GCLC: variants seen among roughly 807,000 people sequenced by gnomAD.
GCLC encodes the protein glutamate-cysteine ligase catalytic subunit, also known as glutamate--cysteine ligase catalytic subunit.
In GCLC, 30 loss-of-function variants were observed where a neutral mutation model predicts 81.5. The observed-to-expected ratio is 0.37, with a 90% CI of 0.28 to 0.50. GCLC has a LOEUF of 0.50. Among genes scored for constraint, GCLC ranks in the 20% least tolerant of loss-of-function variants. GCLC has a pLI of 0.96. For synonymous variants in GCLC, 262 were observed against 273.3 expected, an observed-to-expected ratio of 0.96 and a Z score of 0.41; for missense variants, 556 against 777.4, an observed-to-expected ratio of 0.72 and a Z score of 3.39.
Position 53,544,918 on chromosome 6 carries a change from C to A in GCLC, c.-273G>T. On this transcript the variant is annotated 5_prime_UTR_variant, in exon 1 of 16. The change creates a new upstream start codon in the 5' untranslated region. Coordinates refer to ENST00000650454, the MANE Select transcript of GCLC (RefSeq NM_001498.4). ...GCGGGACGGCTCTCGGCCCGGCGGC[C>A]TCGCCCTCCCCGCTGCTCCTCCTCC... 1 of 275,600 alleles carries A rather than the reference C, an allele frequency of 3.6e-6. No homozygotes were observed. Among genetic ancestry groups the A allele is most frequent in the Non-Finnish European group, 6.7e-6 (1 of 148,150 alleles). The allele number at this position is 275,600 out of a possible 1,614,324, so 17.1% of individuals were successfully genotyped here.
rs17883298 is a variant in GCLC, at chr6:53,516,482, C to A, written c.447-260G>T. The stretch of plus-strand genomic sequence containing the variant: ...AGTCTCCACTCACTCACAAACCACA[C>A]AGCACTTACTCGGGTCCTCTCCATC... On this transcript the variant is annotated intron_variant, in intron 3 of 15. Coordinates refer to ENST00000650454, the MANE Select transcript of GCLC (RefSeq NM_001498.4). Among the ~76,000 whole-genome samples the A allele has an allele frequency of 8.9e-4, 136 of 152,320 alleles. No homozygotes were observed. The East Asian group carries it at 0.025, about 28-fold the overall frequency.
chr6:53,502,726 C>T (rs919712606), intron 12 of GCLC, among the ~76,000 whole-genome samples: 1 of 152,110 alleles, frequency 6.6e-6, no homozygotes, highest in African/African-American at 2.4e-5. Context: ...TTTATATTAT[C>T]TGTTTCAGCT....
Position 53,500,520 on chromosome 6 carries a change from GA to G in GCLC, c.1396-8del, listed in dbSNP as rs767757725. The G allele has an allele frequency of 7.6e-6, 12 of 1,588,746 alleles. No individual in the cohort carries two copies. Among genetic ancestry groups the G allele is most frequent in the African/African-American group, 1.3e-5 (1 of 74,478 alleles). On this transcript the variant is annotated splice_polypyrimidine_tract_variant and splice_region_variant and intron_variant, in intron 12 of 15. Transcript: ENST00000650454. ...CCTTCATGTTCTCATCAACCTAAGG[GA>G]AAAAAAGAATCACGACTAAGTCAAA...
Position 53,508,471 on chromosome 6 carries a change from AC to A in GCLC, c.945+123del. The A allele has an allele frequency of 3.9e-6, 3 of 767,772 alleles. No homozygotes were observed. The South Asian group carries it at 4.1e-5, about 10-fold the overall frequency. The allele number at this position is 767,772 out of a possible 1,614,324, so 47.6% of individuals were successfully genotyped here. ...CGATAAAAATTAACTCCCCACCTAG[AC>A]CAAATCTTTTTCCCCATTTCAGATA... On this transcript the variant is annotated intron_variant, in intron 8 of 15. Transcript: ENST00000650454.
intron 3 of GCLC, among the ~76,000 whole-genome samples, chr6:53,520,014 C>T (rs1561945044): frequency 6.6e-6 from 1 of 152,150 alleles, no homozygotes; most frequent in Non-Finnish European, 1.5e-5. Context: ...CCCAGAGCTC[C>T]TTTGAACTTT....
At chr6:53,520,492 G>A (rs1021022926) in intron 3 of GCLC, among the ~76,000 whole-genome samples, 1 of 152,152 alleles carries the variant, frequency 6.6e-6, no homozygotes, top group Non-Finnish European at 1.5e-5. Context: ...CCTCGCCTGC[G>A]GCAGACACGG....
At chr6:53,518,531 G>T (rs922143255) in intron 3 of GCLC, among the ~76,000 whole-genome samples, 32 of 152,298 alleles carry the variant, frequency 2.1e-4, no homozygotes, top group African/African-American at 7.7e-4. Flanking sequence ...GATTACAGGT[G>T]TAAGACACCA....
intron 1 of GCLC, among the ~76,000 whole-genome samples, chr6:53,536,208 T>C (rs1425932280): frequency 1.3e-5 from 2 of 152,200 alleles, no homozygotes; most frequent in Non-Finnish European, 1.5e-5. Flanking sequence ...ATTTCCTAGG[T>C]ATATGAAACT....
intron 1 of GCLC, among the ~76,000 whole-genome samples, chr6:53,530,457 A>G (rs1219031544): frequency 2.6e-5 from 4 of 152,198 alleles, no homozygotes; most frequent in Non-Finnish European, 4.4e-5. Context: ...AATCTCAGAT[A>G]AGTTAAAGCT....
chr6:53,544,228 C>T (rs555200813), intron 1 of GCLC, among the ~76,000 whole-genome samples: 8 of 152,308 alleles, frequency 5.3e-5, no homozygotes, highest in Middle Eastern at 3.4e-3. Context: ...ATGCTCACGC[C>T]CTCCCAGCGC....
intron 15 of GCLC, among the ~76,000 whole-genome samples, chr6:53,499,500 T>C (rs1024814255): frequency 6.6e-6 from 1 of 152,200 alleles, no homozygotes; most frequent in Non-Finnish European, 1.5e-5. Flanking sequence ...TACAGAAGCC[T>C]TGAGTTAAAT....
chr6:53,534,090 C>T (rs1240128764), intron 1 of GCLC, among the ~76,000 whole-genome samples: 1 of 152,214 alleles, frequency 6.6e-6, no homozygotes, highest in Non-Finnish European at 1.5e-5. Context: ...CCATCACGCC[C>T]AGTCTTTAGT....
chr6:53,540,900 C>T (rs1273627828), intron 1 of GCLC, among the ~76,000 whole-genome samples: 1 of 152,198 alleles, frequency 6.6e-6, no homozygotes, highest in Non-Finnish European at 1.5e-5. Context: ...AAAAGTCACA[C>T]CTTCTCTCTG....
intron 1 of GCLC, among the ~76,000 whole-genome samples, chr6:53,534,552 T>C (rs1261812439): frequency 2.0e-5 from 3 of 150,124 alleles, no homozygotes; most frequent in African/African-American, 7.4e-5. Context: ...GCGTATCAGA[T>C]AAGAAAGGAT....
chr6:53,543,015 A>G (rs1383469106), intron 1 of GCLC, among the ~76,000 whole-genome samples: 5 of 152,190 alleles, frequency 3.3e-5, no homozygotes, highest in Non-Finnish European at 7.3e-5. Context: ...TCTCAAAAAA[A>G]AAGAGCAGCA....
intron 1 of GCLC, among the ~76,000 whole-genome samples, chr6:53,534,490 A>AC (rs397732483): frequency 6.6e-6 from 1 of 151,000 alleles, no homozygotes; most frequent in Non-Finnish European, 1.5e-5. Context: ...AAAACAAAAA[A>AC]AAAAAAGAGA....
intron 13 of GCLC, 38 bp downstream of exon 13, chr6:53,500,394 G>C (rs1169024517): frequency 6.2e-7 from 1 of 1,600,132 alleles, no homozygotes; most frequent in African/African-American, 1.3e-5. Flanking sequence ...GCTTGTTGCA[G>C]CATAAGCTGA....
intron 6 of GCLC, chr6:53,510,267 G>C (rs1764711512): frequency 6.6e-6 from 1 of 152,110 alleles, no homozygotes; most frequent in African/African-American, 2.4e-5. Flanking sequence ...TTCAGGGCTG[G>C]TGCCCAGAAG....
At position 53,507,011 on chromosome 6, in the gene GCLC, G is replaced by C. The variant is rs1388875255; in HGVS notation, c.1099C>G (p.Leu367Val). ...AAGAGATGAGCAACATGCTGGGCCAGGAGATGATCAATGCCTGCAAAAAGA... is the reference window on the plus strand; with the variant it reads ...AAGAGATGAGCAACATGCTGGGCCACGAGATGATCAATGCCTGCAAAAAGA... ...QLLQEGIDHL[L>V]AQHVAHLFIR... The change falls in exon 10 of 16, where the codon CTG becomes GTG. Residue 367 changes from leucine to valine, a missense_variant. By Grantham distance (32) the Leu-to-Val change is conservative. Transcript: ENST00000650454. 9 of 1,602,842 alleles carry C rather than the reference G, an allele frequency of 5.6e-6. No homozygotes were observed. The highest frequency in any genetic ancestry group is 6.8e-6 in the Non-Finnish European group (8 of 1,169,812).
Sources: gnomAD v4.1 joint callset for allele counts (sites outside exome capture counted in the v4.1 genomes callset) on GRCh38, gnomAD v4.1.1 for gene constraint, MANE v1.5 for transcripts, NCBI Gene and HGNC (gene_info 2026-07-23, HGNC 2026-07-21) for gene names.